DGKI: variants seen among roughly 807,000 people sequenced by gnomAD.
The protein encoded by DGKI is DAG kinase iota.
A neutral mutation model predicts 147.5 loss-of-function variants in DGKI; 55 were observed. That is an observed-to-expected ratio of 0.37 (90% CI 0.30 to 0.47). The LOEUF (loss-of-function observed/expected upper bound fraction) is 0.47, where lower values mean the gene tolerates loss of function less well. Among genes scored for constraint, DGKI ranks in the 20% least tolerant of loss-of-function variants. The pLI, the probability that DGKI is intolerant of heterozygous loss-of-function variation, is 1.00. For missense variants in DGKI, 1,007 were observed against 1,323.8 expected (o/e 0.76, Z 3.71); for synonymous variants, 469 against 477.1 (o/e 0.98, Z 0.22).
intron 27 of DGKI, among the ~76,000 whole-genome samples, chr7:137,449,216 C>T (rs12171583): frequency 0.018 from 2,776 of 152,278 alleles, 26 homozygotes; most frequent in South Asian, 0.042. Flanking sequence ...CTGGAGCCAT[C>T]ACACTACCTA....
intron 7 of DGKI, among the ~76,000 whole-genome samples, chr7:137,623,257 T>C (rs1011559318): frequency 6.6e-6 from 1 of 152,234 alleles, no homozygotes; most frequent in Admixed American, 6.5e-5. Context: ...CAAGCTTTAA[T>C]GTACATAAAA....
rs541920248 is a variant in DGKI, at chr7:137,846,561, G to C, written c.302C>G (p.Ala101Gly). 4.5e-5 allele frequency: 65 copies of C among 1,437,164 alleles called. No individual in the cohort carries two copies. Among genetic ancestry groups the C allele is most frequent in the Admixed American group, 2.5e-4 (11 of 43,476 alleles). 89.0% of individuals were successfully genotyped at this position (1,437,164 alleles called of 1,614,324 possible). ...GAGSAAAAGA[A>G]ALDEPAAAGQ... The stretch of plus-strand genomic sequence containing the variant: ...GGCGGCCGCGGGCTCGTCCAGGGCA[G>C]CGGCCCCCGCCGCCGCGGCTGACCC... The change falls in exon 1 of 33, where the codon GCT (alanine) becomes GGT (glycine). Residue 101 changes from alanine to glycine, a missense_variant. Ala to Gly is a moderately conservative substitution (Grantham distance 60). This residue lies in a region of DGKI where 259 missense variants were observed against 362.5 expected (regional missense o/e 0.71). Coordinates refer to ENST00000614521, the MANE Select transcript of DGKI (RefSeq NM_001321708.2). This position sits in a 1 kb window ranked among gnomAD's most constrained non-coding sequence, Gnocchi z 4.0.
chr7:137,459,198 C>T (rs1814321738), intron 27 of DGKI, among the ~76,000 whole-genome samples: 1 of 152,094 alleles, frequency 6.6e-6, no homozygotes. Context: ...TTGCCTCTCA[C>T]TCTGCCTGAG....
intron 30 of DGKI, among the ~76,000 whole-genome samples, chr7:137,404,614 G>A (rs1249470645): frequency 3.3e-5 from 5 of 152,242 alleles, no homozygotes; most frequent in Admixed American, 3.3e-4. Context: ...AGGCAGGAAA[G>A]GTATAGGATG....
rs531671567 is a variant in DGKI, at chr7:137,691,372, C to G, written c.402-1370G>C. ...AGAATCTGCCATCTCTGAGATGAGG[C>G]CTGCAGATACCCTGGATCCCCAGAA... On this transcript the variant is annotated intron_variant, in intron 1 of 32. Coordinates refer to ENST00000614521, the MANE Select transcript of DGKI (RefSeq NM_001321708.2). 2.0e-5 allele frequency among the ~76,000 whole-genome samples: 3 copies of G among 152,244 alleles called. No homozygotes were observed. The South Asian group carries it at 6.2e-4, about 32-fold the overall frequency.
chr7:137,523,381 T>C (rs1817030526), intron 20 of DGKI, among the ~76,000 whole-genome samples: 1 of 152,052 alleles, frequency 6.6e-6, no homozygotes. Flanking sequence ...CACATACATA[T>C]CAAACTATAG....
chr7:137,514,239 A>T (rs536262003), intron 21 of DGKI, among the ~76,000 whole-genome samples: 11 of 152,124 alleles, frequency 7.2e-5, no homozygotes, highest in African/African-American at 2.7e-4. Context: ...CTGAAGAATT[A>T]AAAAAAATAA....
At position 137,622,873 on chromosome 7, in the gene DGKI, G is replaced by C. The variant is rs189124461; in HGVS notation, c.876+610C>G. On this transcript the variant is annotated intron_variant, in intron 7 of 32. Transcript: ENST00000614521. The stretch of plus-strand genomic sequence containing the variant: ...AAGGTAGATTAAAGAAAAATAAATA[G>C]GGACATTACCATCAGATCCTAATGA... 3.8e-3 allele frequency among the ~76,000 whole-genome samples: 574 copies of C among 152,248 alleles called. 4 individuals carry two copies. Among genetic ancestry groups the C allele is most frequent in the African/African-American group, 0.013 (557 of 41,548 alleles).
At chr7:137,551,986 C>A (rs1044904241) in intron 20 of DGKI, among the ~76,000 whole-genome samples, 1 of 152,134 alleles carries the variant, frequency 6.6e-6, no homozygotes, top group Non-Finnish European at 1.5e-5. Flanking sequence ...ACTCTCCAAG[C>A]GACCTGGGTA....
At chr7:137,612,192 T>C (rs2128993800) in intron 8 of DGKI, among the ~76,000 whole-genome samples, 1 of 151,582 alleles carries the variant, frequency 6.6e-6, no homozygotes, top group South Asian at 2.1e-4. Context: ...AGAACTCAAT[T>C]CTTATAGGGA....
In DGKI at chr7:137,817,337, TAATA is replaced by T. The variant is rs562840447; in HGVS notation, c.401+29121_401+29124del. ...AGGTGCTTGACACATACTCGGTGCT[TAATA>T]AATATTTATTGAATGAATTAACTAC... On this transcript the variant is annotated intron_variant, in intron 1 of 32. Transcript: ENST00000614521. Among the ~76,000 whole-genome samples, 7 of 152,356 alleles carry T rather than the reference TAATA, an allele frequency of 4.6e-5. No homozygotes were observed. In the East Asian group the frequency reaches 1.3e-3, roughly 29 times the overall value.
chr7:137,814,488 A>G (rs1336935229), intron 1 of DGKI, among the ~76,000 whole-genome samples: 2 of 152,068 alleles, frequency 1.3e-5, no homozygotes, highest in Non-Finnish European at 2.9e-5. Flanking sequence ...GCATTGTTTG[A>G]AACCCCTCAA....
chr7:137,550,113 G>T (rs1817994422), intron 20 of DGKI, among the ~76,000 whole-genome samples: 1 of 151,590 alleles, frequency 6.6e-6, no homozygotes, highest in African/African-American at 2.4e-5. Flanking sequence ...AGGCATCACT[G>T]CCTCTGGTAG....
intron 28 of DGKI, among the ~76,000 whole-genome samples, chr7:137,439,887 C>T (rs983918597): frequency 9.2e-5 from 14 of 152,188 alleles, no homozygotes; most frequent in African/African-American, 3.1e-4. Context: ...GTGGGGCATG[C>T]AGCAGATTGC....
chr7:137,821,705 G>A (rs541545381), intron 1 of DGKI, among the ~76,000 whole-genome samples: 1 of 152,130 alleles, frequency 6.6e-6, no homozygotes, highest in African/African-American at 2.4e-5. Flanking sequence ...CAATAAAAGA[G>A]ACAGATGACA....
At position 137,833,952 on chromosome 7, in the gene DGKI, G is replaced by T. The variant is rs375942280; in HGVS notation, c.401+12510C>A. On this transcript the variant is annotated intron_variant, in intron 1 of 32. Transcript: ENST00000614521. ...TAATGCTTAAGTGCACTAGACAGGG[G>T]GTTCTGGAATTCAAACCCTGGCTCC... 1.5e-4 allele frequency among the ~76,000 whole-genome samples: 23 copies of T among 152,258 alleles called. No individual in the cohort carries two copies. The East Asian group carries it at 2.3e-3, about 15-fold the overall frequency.
intron 28 of DGKI, among the ~76,000 whole-genome samples, chr7:137,419,291 G>A (rs1812472634): frequency 1.3e-5 from 2 of 152,294 alleles, no homozygotes; most frequent in Non-Finnish European, 2.9e-5. Flanking sequence ...CATCGCAAAT[G>A]TGACACAAAT....
At chr7:137,745,289 C>T (rs1795290164) in intron 1 of DGKI, among the ~76,000 whole-genome samples, 1 of 152,144 alleles carries the variant, frequency 6.6e-6, no homozygotes, top group Admixed American at 6.5e-5. Flanking sequence ...TCTCTCTCCT[C>T]CTTGGGGAAG....
chr7:137,397,516 T>C (rs538204709), intron 30 of DGKI, 103 bp from the exon 31 acceptor site: 2 of 1,113,878 alleles, frequency 1.8e-6, no homozygotes, highest in African/African-American at 1.6e-5. Context: ...GAAAGCTAAA[T>C]TTGGGGATAG....
Sources: allele counts gnomAD v4.1 joint callset (sites outside exome capture counted in the v4.1 genomes callset), GRCh38; gene constraint gnomAD v4.1.1; regional missense constraint gnomAD v4.1.1; non-coding constraint Gnocchi (gnomAD v3.1); transcripts MANE v1.5; gene names NCBI Gene and HGNC (gene_info 2026-07-23, HGNC 2026-07-21).